Variants in ITGA6 observed in about 807,000 individuals in gnomAD.
ITGA6 encodes the protein integrin subunit alpha 6, also known as integrin alpha-6.
ITGA6 carries 63 observed loss-of-function variants against 133.6 expected under a neutral mutation model. That is an observed-to-expected ratio of 0.47 (90% CI 0.38 to 0.58). The LOEUF (loss-of-function observed/expected upper bound fraction) is 0.58, where lower values mean the gene tolerates loss of function less well. ITGA6 is among the 20% of genes least tolerant of loss of function. The pLI is 0.00. For missense variants in ITGA6, 1,068 were observed against 1,309.4 expected (o/e 0.82, Z 2.85); for synonymous variants, 434 against 482.0 (o/e 0.90, Z 1.30).
intron 1 of ITGA6, among the ~76,000 whole-genome samples, chr2:172,454,770 G>A (rs1685146737): frequency 6.6e-6 from 1 of 152,132 alleles, no homozygotes; most frequent in Non-Finnish European, 1.5e-5. Context: ...GAAGTATCCT[G>A]GATTATCCAA....
At chr2:172,468,601 C>G (rs1422330399) in intron 3 of ITGA6, among the ~76,000 whole-genome samples, 1 of 152,138 alleles carries the variant, frequency 6.6e-6, no homozygotes, top group African/African-American at 2.4e-5. Context: ...GGGAAATAAT[C>G]TCAGAGCTCA....
At chr2:172,449,879 C>A (rs948104341) in intron 1 of ITGA6, among the ~76,000 whole-genome samples, 16 of 142,214 alleles carry the variant, frequency 1.1e-4, no homozygotes, top group African/African-American at 4.0e-4. Context: ...CGAAATCATG[C>A]CACTGCACTC....
rs1302590722 is a variant in ITGA6 at position 172,499,762 on chromosome 2, C to CATTG, written c.3114+1663_3114+1666dup. 7.9e-5 allele frequency among the ~76,000 whole-genome samples: 12 copies of CATTG among 152,288 alleles called. No individual in the cohort carries two copies. The East Asian group carries it at 2.3e-3, about 29-fold the overall frequency. Reference sequence around the variant, plus strand: ...GTCATAAGGATGGTCTTTTTCAGAGCATTGGCAGCCTTTAATGAGGGTGAG... The same window carrying CATTG: ...GTCATAAGGATGGTCTTTTTCAGAGCATTGATTGGCAGCCTTTAATGAGGGTGAG... On this transcript the variant is annotated intron_variant, in intron 24 of 25. Transcript: ENST00000684293.
At chr2:172,489,968 T>C (rs1686852525) in intron 20 of ITGA6, 1 of 302,708 alleles carries the variant, frequency 3.3e-6, no homozygotes, top group East Asian at 7.9e-5. Context: ...CCTGGGGTAA[T>C]AGTAGCTGCT....
At position 172,489,655 on chromosome 2, in the gene ITGA6, AAC is replaced by A; in HGVS notation, c.2677_2678del (p.Thr893GlyfsTer13). On this transcript the variant is annotated frameshift_variant and splice_region_variant, in exon 20 of 26. Coordinates refer to ENST00000684293, the MANE Select transcript of ITGA6 (RefSeq NM_000210.4). LOFTEE classifies it high-confidence loss of function. ...AAAAGGAGATAAACTCCCTGAACCT[AAC>A]GGTATGTCGGTAGATTTATCTAATG... ...PQKEINSLNLTESHNSRKKRE... is the reference protein window; with the variant it reads ...PQKEINSLNLXESHNSRKKRE... The A allele has an allele frequency of 6.2e-7, 1 of 1,613,170 alleles. No individual in the cohort carries two copies. Among genetic ancestry groups the A allele is most frequent in the Non-Finnish European group, 8.5e-7 (1 of 1,179,156 alleles).
Position 172,474,144 on chromosome 2 carries a change from G to A in ITGA6, c.865G>A (p.Val289Met), listed in dbSNP as rs1686061709. Residue 289 changes from valine (V) to methionine (M), a missense_variant, in exon 6 of 26, where the codon GTG (valine) becomes ATG (methionine). By Grantham distance (21) the Val-to-Met change is conservative. This residue lies in a region of ITGA6 where 317 missense variants were observed against 456.9 expected (regional missense o/e 0.69). Coordinates refer to ENST00000684293, the MANE Select transcript of ITGA6 (RefSeq NM_000210.4). The part of the protein sequence containing the change: ...GAPRANHSGA[V>M]VLLKRDMKSA... The stretch of plus-strand genomic sequence containing the variant: ...TCCCAGAGCCAATCACAGTGGAGCC[G>A]TGGTTTTGCTGAAGAGAGACATGAA... 2 of 1,613,932 alleles carry A rather than the reference G, an allele frequency of 1.2e-6. No individual in the cohort carries two copies. Among genetic ancestry groups the A allele is most frequent in the East Asian group, 2.2e-5 (1 of 44,902 alleles).
intron 2 of ITGA6, among the ~76,000 whole-genome samples, chr2:172,466,280 C>A (rs1685668431): frequency 1.3e-5 from 2 of 152,186 alleles, no homozygotes; most frequent in Non-Finnish European, 1.5e-5. Context: ...AGTAGATTTG[C>A]AGATTCGTGT....
At chr2:172,463,669 T>C (rs1666873371) in intron 1 of ITGA6, among the ~76,000 whole-genome samples, 1 of 152,140 alleles carries the variant, frequency 6.6e-6, no homozygotes, top group Non-Finnish European at 1.5e-5. Flanking sequence ...CTCTGTTTCT[T>C]TATCTGTAAA....
intron 2 of ITGA6, among the ~76,000 whole-genome samples, chr2:172,466,615 A>G (rs1156318891): frequency 6.6e-6 from 1 of 152,180 alleles, no homozygotes; most frequent in Non-Finnish European, 1.5e-5. Flanking sequence ...GCAAGATACC[A>G]TCTCAAGAAA....
chr2:172,503,941 C>T, intron 25 of ITGA6, 150 bp from the exon 26 acceptor site: 1 of 518,564 alleles, frequency 1.9e-6, no homozygotes, highest in African/African-American at 2.0e-5. Flanking sequence ...TCATTTCAGC[C>T]TCTTGGTTCT....
chr2:172,434,674 A>G (rs1041159665), intron 1 of ITGA6, among the ~76,000 whole-genome samples: 3 of 152,164 alleles, frequency 2.0e-5, no homozygotes, highest in Admixed American at 2.0e-4. Flanking sequence ...CGCAAGTCAC[A>G]AAGGGCAAAA....
intron 23 of ITGA6, among the ~76,000 whole-genome samples, chr2:172,493,313 A>G (rs189654657): frequency 1.1e-3 from 160 of 152,194 alleles, no homozygotes; most frequent in Non-Finnish European, 1.7e-3. Flanking sequence ...AACAGGCATC[A>G]TAAGGGACTT....
chr2:172,455,076 C>T (rs767055880), intron 1 of ITGA6, among the ~76,000 whole-genome samples: 2 of 152,204 alleles, frequency 1.3e-5, no homozygotes, highest in Non-Finnish European at 2.9e-5. Flanking sequence ...CAAGTGAGAC[C>T]TGGGTTGGCC....
chr2:172,465,913 C>T (rs1368321860), intron 2 of ITGA6: 12 of 574,564 alleles, frequency 2.1e-5, no homozygotes, highest in Non-Finnish European at 3.4e-5. Context: ...GATGTTGCCA[C>T]CTAGTGATGT....
intron 1 of ITGA6, among the ~76,000 whole-genome samples, chr2:172,455,918 G>A (rs1685188421): frequency 6.6e-6 from 1 of 152,212 alleles, no homozygotes; most frequent in South Asian, 2.1e-4. Flanking sequence ...AGAGTTTACA[G>A]AGGCAGAGGC....
intron 9 of ITGA6, among the ~76,000 whole-genome samples, chr2:172,477,590 TTAAATGTTTGCCCCTGTCTATGTG>T (rs1379311580): frequency 6.6e-6 from 1 of 152,202 alleles, no homozygotes; most frequent in Non-Finnish European, 1.5e-5. Flanking sequence ...CTTTAGTCAG[TTAAATGTTTGCCCCTGTCTATGTG>T]TAACTGATAT....
rs776579078 is a variant in ITGA6, at chr2:172,487,431, A to G, written c.2138A>G (p.Tyr713Cys). ...TFPDTLTYSAYRELRAFPEKQ... is the reference protein window; with the variant it reads ...TFPDTLTYSACRELRAFPEKQ... The stretch of plus-strand genomic sequence containing the variant: ...CCAGACACTTTAACCTATTCTGCAT[A>G]TAGAGAACTGAGGGCTTTCCCTGTA... The change falls in exon 15 of 26, where the codon TAT becomes TGT. Residue 713 changes from tyrosine to cysteine, a missense_variant. Coordinates refer to ENST00000684293, the MANE Select transcript of ITGA6 (RefSeq NM_000210.4). 2.5e-6 allele frequency: 4 copies of G among 1,614,034 alleles called. No homozygotes were observed. The highest frequency in any genetic ancestry group is 1.7e-5 in the Admixed American group (1 of 60,012).
rs1686361697 is a variant in ITGA6 at position 172,480,004 on chromosome 2, C to T, written c.1502C>T (p.Ser501Phe). The change falls in exon 11 of 26, where the codon TCC (serine) becomes TTC (phenylalanine). Residue 501 changes from serine (S) to phenylalanine (F), a missense_variant. This residue lies in a region of ITGA6 where 609 missense variants were observed against 707.2 expected (regional missense o/e 0.86). Coordinates refer to ENST00000684293, the MANE Select transcript of ITGA6 (RefSeq NM_000210.4). ...ATTTTATTCAGCCTCCAGGTTAAAT[C>T]CTGTTTTGAATATACTGCTAACCCC... Reference protein sequence around the residue: ...APSGICLQVKSCFEYTANPAG... With the variant: ...APSGICLQVKFCFEYTANPAG... 1.9e-6 allele frequency: 3 copies of T among 1,594,934 alleles called. No homozygotes were observed. Among genetic ancestry groups the T allele is most frequent in the East Asian group, 4.5e-5 (2 of 44,802 alleles).
At chr2:172,427,450 T>C (rs1246431369), upstream of ITGA6, 1 of 1,031,496 alleles carries the variant, frequency 9.7e-7, no homozygotes, top group East Asian at 8.8e-5. Context: ...ACCGGGCAGC[T>C]GGAGACGCCA....
Sources: allele counts gnomAD v4.1 joint callset (sites outside exome capture counted in the v4.1 genomes callset), GRCh38; gene constraint gnomAD v4.1.1; regional missense constraint gnomAD v4.1.1; transcripts MANE v1.5; gene names NCBI Gene and HGNC (gene_info 2026-07-23, HGNC 2026-07-21).